Variants in AKAP13 observed in about 807,000 individuals in gnomAD.
The protein encoded by AKAP13 is A-kinase anchoring protein 13, also known as A-kinase anchor protein 13.
Under a neutral mutation model 264.5 loss-of-function variants are expected in AKAP13, and 80 were observed. The ratio of observed to expected loss-of-function variants is 0.30; its 90% CI spans 0.25 to 0.36. AKAP13 has a LOEUF of 0.36. Ranked by LOEUF, AKAP13 falls within the 10% of genes least tolerant of loss-of-function variation. The pLI, the probability that AKAP13 is intolerant of heterozygous loss-of-function variation, is 1.00. For missense variants in AKAP13, 3,712 were observed against 3,435.2 expected, an observed-to-expected ratio of 1.08 and a Z score of -2.01; for synonymous variants, 1,380 against 1,250.2, an observed-to-expected ratio of 1.10 and a Z score of -2.19.
chr15:85,536,991 TAAC>T (rs761165603), intron 4 of AKAP13: 11 of 152,222 alleles, frequency 7.2e-5, no homozygotes, highest in Non-Finnish European at 1.5e-4. Flanking sequence ...AATAATAAAA[TAAC>T]AAAAGAAATT....
intron 5 of AKAP13, among the ~76,000 whole-genome samples, chr15:85,570,166 G>A (rs998973370): frequency 6.6e-6 from 1 of 150,884 alleles, no homozygotes; most frequent in African/African-American, 2.4e-5. Flanking sequence ...AGAGTGAGTA[G>A]GAGGCCGGGT....
At chr15:85,735,317 G>A (rs992392055) in intron 31 of AKAP13, among the ~76,000 whole-genome samples, 167 bp downstream of exon 31, 9 of 152,104 alleles carry the variant, frequency 5.9e-5, no homozygotes, top group Non-Finnish European at 1.0e-4. Flanking sequence ...TTCATTTTGA[G>A]TAACAAAAAA....
At chr15:85,740,046 T>G (rs2088840556) in intron 33 of AKAP13, among the ~76,000 whole-genome samples, 176 bp from the exon 34 acceptor site, 1 of 152,260 alleles carries the variant, frequency 6.6e-6, no homozygotes, top group Non-Finnish European at 1.5e-5. Context: ...TTTGTTTTTC[T>G]TGGCTGCTGG....
intron 17 of AKAP13, among the ~76,000 whole-genome samples, chr15:85,700,580 G>A (rs746338990): frequency 9.2e-5 from 14 of 152,220 alleles, no homozygotes; most frequent in Non-Finnish European, 1.8e-4. Flanking sequence ...ACACTTCTGT[G>A]TAGTAATTAG....
At chr15:85,477,136 C>T (rs1169033391) in intron 1 of AKAP13, among the ~76,000 whole-genome samples, 1 of 151,874 alleles carries the variant, frequency 6.6e-6, no homozygotes, top group Non-Finnish European at 1.5e-5. Context: ...CACTGGTATC[C>T]CAAAAGAACT....
chr15:85,618,331 A>G (rs543065408), intron 8 of AKAP13, among the ~76,000 whole-genome samples: 2 of 152,308 alleles, frequency 1.3e-5, no homozygotes, highest in East Asian at 3.9e-4. Context: ...ACAGAAATGT[A>G]GGTGTTAAAT....
chr15:85,646,142 G>A (rs1030734557), intron 10 of AKAP13, among the ~76,000 whole-genome samples, 188 bp downstream of exon 10: 2 of 152,180 alleles, frequency 1.3e-5, no homozygotes, highest in African/African-American at 4.8e-5. Context: ...GCATGTAAAT[G>A]TTCTTTGGAG....
intron 5 of AKAP13, among the ~76,000 whole-genome samples, chr15:85,556,236 CAT>C (rs2078141201): frequency 6.6e-6 from 1 of 152,190 alleles, no homozygotes. Context: ...AAACCAACAA[CAT>C]AGTCATTTTA....
chr15:85,447,052 A>G (rs928194679), intron 1 of AKAP13, among the ~76,000 whole-genome samples: 6 of 152,102 alleles, frequency 3.9e-5, no homozygotes, highest in African/African-American at 1.4e-4. Context: ...GGAGATCACA[A>G]GGTCAAGAGA....
At position 85,650,094 on chromosome 15, in the gene AKAP13, C is replaced by CA. The variant is rs543865180; in HGVS notation, c.4374+4146dup. On this transcript the variant is annotated intron_variant, in intron 10 of 36. Coordinates refer to ENST00000394518, the MANE Select transcript of AKAP13 (RefSeq NM_007200.5). ...TTTCTCAGGTCCTTGATCCCCAAGC[C>CA]AAAAAATTACTTAAAAAAAAACAAT... Among the ~76,000 whole-genome samples the CA allele has an allele frequency of 1.0e-3, 152 of 151,932 alleles. 2 individuals are homozygous for CA. The highest frequency in any genetic ancestry group is 3.7e-3 in the African/African-American group (152 of 41,416).
rs139996061 is a variant in AKAP13, at chr15:85,747,556, C to T, written c.*2879C>T. Reference sequence around the variant, plus strand: ...CAGATTTCCAGAATCGAGTGAGCTTCCTGGAAGGAGACTGCGTCTTCTCTC... The same window carrying T: ...CAGATTTCCAGAATCGAGTGAGCTTTCTGGAAGGAGACTGCGTCTTCTCTC... On this transcript the variant is annotated 3_prime_UTR_variant, in exon 37 of 37. Coordinates refer to ENST00000394518, the MANE Select transcript of AKAP13 (RefSeq NM_007200.5). The T allele has an allele frequency of 7.2e-5, 11 of 152,754 alleles. No homozygotes were observed. Among genetic ancestry groups the T allele is most frequent in the African/African-American group, 2.6e-4 (11 of 41,550 alleles). The allele number at this position is 152,754 out of a possible 1,614,324, so 9.5% of individuals were successfully genotyped here.
chr15:85,719,837 C>T lies in AKAP13; in HGVS notation c.6252+511C>T, dbSNP rs987398945. On this transcript the variant is annotated intron_variant, in intron 23 of 36. Coordinates refer to ENST00000394518, the MANE Select transcript of AKAP13 (RefSeq NM_007200.5). Reference sequence around the variant, plus strand: ...GACTGAGATATAAGAATCGCTTGAACCTGGGAGGCAGAAGTTGCAGTGAGC... The same window carrying T: ...GACTGAGATATAAGAATCGCTTGAATCTGGGAGGCAGAAGTTGCAGTGAGC... Among the ~76,000 whole-genome samples, 10 of 151,906 alleles carry T rather than the reference C, an allele frequency of 6.6e-5. No homozygotes were observed. The East Asian group carries it at 1.7e-3, about 26-fold the overall frequency.
chr15:85,743,448 G>T (rs769195591), intron 35 of AKAP13, 44 bp from the exon 36 acceptor site: 50 of 1,582,588 alleles, frequency 3.2e-5, no homozygotes, highest in Middle Eastern at 1.7e-4. Context: ...CATCACGGAC[G>T]CTGACAGCCT....
chr15:85,568,595 A>G (rs1163157998), intron 5 of AKAP13, among the ~76,000 whole-genome samples: 1 of 152,204 alleles, frequency 6.6e-6, no homozygotes, highest in East Asian at 1.9e-4. Context: ...CTATAGAGGC[A>G]CTGTGGTAGA....
intron 9 of AKAP13, among the ~76,000 whole-genome samples, chr15:85,642,994 A>G (rs2082378715): frequency 6.7e-6 from 1 of 148,538 alleles, no homozygotes. Flanking sequence ...AACTCCTCCT[A>G]GGTTACTACA....
intron 25 of AKAP13, among the ~76,000 whole-genome samples, chr15:85,722,848 CAT>C (rs756978260): frequency 6.6e-6 from 1 of 152,012 alleles, no homozygotes; most frequent in Non-Finnish European, 1.5e-5. Flanking sequence ...CAGAGCACAA[CAT>C]ATGATTGCAT....
At chr15:85,709,831 G>T (rs886584951) in intron 18 of AKAP13, among the ~76,000 whole-genome samples, 31 of 152,134 alleles carry the variant, frequency 2.0e-4, no homozygotes, top group African/African-American at 7.2e-4. Flanking sequence ...GAGATTACAG[G>T]TGCCCGTCAC....
chr15:85,429,418 A>G (rs1412272218), intron 1 of AKAP13, among the ~76,000 whole-genome samples: 2 of 152,142 alleles, frequency 1.3e-5, no homozygotes, highest in Non-Finnish European at 2.9e-5. Context: ...TCCCTAAACT[A>G]TTTCTTAAAA....
intron 8 of AKAP13, among the ~76,000 whole-genome samples, chr15:85,614,281 A>G (rs2080840997): frequency 6.6e-6 from 1 of 152,232 alleles, no homozygotes; most frequent in Admixed American, 6.5e-5. Flanking sequence ...TAAATATCTG[A>G]AATGCTGCCA....
Sources: gnomAD v4.1 joint callset for allele counts (sites outside exome capture counted in the v4.1 genomes callset) on GRCh38, gnomAD v4.1.1 for gene constraint, MANE v1.5 for transcripts, NCBI Gene and HGNC (gene_info 2026-07-23, HGNC 2026-07-21) for gene names.